The following TTC38 variants were observed in gnomAD, a reference collection of about 807,000 sequenced individuals.
TTC38 encodes tetratricopeptide repeat domain 38, also known as tetratricopeptide repeat protein 38.
TTC38 carries 64 observed loss-of-function variants against 64.2 expected under a neutral mutation model. That is an observed-to-expected ratio of 1.00 (90% CI 0.81 to 1.23). The LOEUF is 1.23. Among genes scored for constraint, TTC38 ranks in the 50% most tolerant of loss-of-function variants. The probability of loss-of-function intolerance (pLI) is 0.00; values close to 1 mark genes in which losing one functional copy is unlikely to be tolerated. For missense variants in TTC38, 573 were observed against 615.5 expected (o/e 0.93, Z 0.73); for synonymous variants, 254 against 249.3 (o/e 1.02, Z -0.18).
rs1487678968 is a variant in TTC38 at position 46,273,242 on chromosome 22, C to T, written c.194-656C>T. Among the ~76,000 whole-genome samples, 1 of 152,162 alleles carries T rather than the reference C, an allele frequency of 6.6e-6. No individual in the cohort carries two copies. The highest frequency in any genetic ancestry group is 2.4e-5 in the African/African-American group (1 of 41,452). Reference sequence around the variant, plus strand: ...CACCTGAATCATCAGCTGGGCTGGGCTGGGCTCGACCATCGGAATCACCAG... The same window carrying T: ...CACCTGAATCATCAGCTGGGCTGGGTTGGGCTCGACCATCGGAATCACCAG... On this transcript the variant is annotated intron_variant, in intron 3 of 13. Transcript: ENST00000381031. The surrounding 1 kb of genome is among the most constrained non-coding windows in gnomAD (Gnocchi z 5.1).
intron 6 of TTC38, among the ~76,000 whole-genome samples, chr22:46,279,564 G>C (rs765125415): frequency 1.3e-5 from 2 of 152,236 alleles, no homozygotes; most frequent in Non-Finnish European, 2.9e-5. Context: ...CCAACATCCT[G>C]GCTGGGGTTC....
At position 46,272,702 on chromosome 22, in the gene TTC38, T is replaced by C. The variant is rs894281039; in HGVS notation, c.193+286T>C. 6.6e-6 allele frequency among the ~76,000 whole-genome samples: 1 copy of C among 152,226 alleles called. No homozygotes were observed. Among genetic ancestry groups the C allele is most frequent in the African/African-American group, 2.4e-5 (1 of 41,458 alleles). On this transcript the variant is annotated intron_variant, in intron 3 of 13. Coordinates refer to ENST00000381031, the MANE Select transcript of TTC38 (RefSeq NM_017931.4). The surrounding 1 kb of genome is among the most constrained non-coding windows in gnomAD (Gnocchi z 6.4). ...GATCTCATTTCTCAGATGAGGAAAC[T>C]GAGGGTTGGCAAGAGTAAGACTGTA...
intron 2 of TTC38, chr22:46,269,010 G>T: frequency 2.8e-6 from 1 of 354,896 alleles, no homozygotes; most frequent in South Asian, 2.1e-5. Flanking sequence ...TTTAAATTGC[G>T]CCATGACCTT....
chr22:46,273,248 T>C lies in TTC38; in HGVS notation c.194-650T>C, dbSNP rs1601867180. Among the ~76,000 whole-genome samples, 2 of 152,276 alleles carry C rather than the reference T, an allele frequency of 1.3e-5. No homozygotes were observed. The highest frequency in any genetic ancestry group is 1.3e-4 in the Admixed American group (2 of 15,292). On this transcript the variant is annotated intron_variant, in intron 3 of 13. Transcript: ENST00000381031. The surrounding 1 kb of genome is among the most constrained non-coding windows in gnomAD (Gnocchi z 5.1). ...AATCATCAGCTGGGCTGGGCTGGGCTCGACCATCGGAATCACCAGCTGTTT... is the reference window on the plus strand; with the variant it reads ...AATCATCAGCTGGGCTGGGCTGGGCCCGACCATCGGAATCACCAGCTGTTT...
At chr22:46,278,487 T>C in intron 5 of TTC38, 99 bp from the exon 6 acceptor site, 1 of 994,558 alleles carries the variant, frequency 1.0e-6, no homozygotes. Context: ...ACATTCCCAG[T>C]GCTGGCAGTT....
chr22:46,287,061 C>T lies in TTC38; in HGVS notation c.835-12C>T, dbSNP rs781158177. On this transcript the variant is annotated splice_polypyrimidine_tract_variant and intron_variant, in intron 9 of 13. Coordinates refer to ENST00000381031, the MANE Select transcript of TTC38 (RefSeq NM_017931.4). The stretch of plus-strand genomic sequence containing the variant: ...CACCCGCTGAGCCCGCCTTGGCCGC[C>T]CTGTCTTCCAGATCCTTCCCAGCCT... 5 of 1,592,694 alleles carry T rather than the reference C, an allele frequency of 3.1e-6. No individual in the cohort carries two copies. The highest frequency in any genetic ancestry group is 4.3e-6 in the Non-Finnish European group (5 of 1,171,422).
chr22:46,280,880 C>A (rs1182207467), intron 6 of TTC38, among the ~76,000 whole-genome samples: 1 of 152,268 alleles, frequency 6.6e-6, no homozygotes, highest in East Asian at 1.9e-4. Context: ...CCTCAGTTTA[C>A]TGCTCCATTT....
chr22:46,269,049 T>C (rs1936831348), intron 2 of TTC38: 1 of 388,066 alleles, frequency 2.6e-6, no homozygotes, highest in East Asian at 8.2e-5. Flanking sequence ...ATCTGTGCAC[T>C]TTGTACTGGA....
Position 46,291,035 on chromosome 22 carries a change from C to T in TTC38, c.1316+1136C>T, listed in dbSNP as rs1034224380. ...AAGCCCAGTGGTTTAGGCGCAGGTG[C>T]ACCAGCGCAGCTCCCTCCAGGCAGG... On this transcript the variant is annotated intron_variant, in intron 13 of 13. Transcript: ENST00000381031. This position sits in a 1 kb window ranked among gnomAD's most constrained non-coding sequence, Gnocchi z 4.6. Among the ~76,000 whole-genome samples, 1 of 152,200 alleles carries T rather than the reference C, an allele frequency of 6.6e-6. No individual in the cohort carries two copies. The highest frequency in any genetic ancestry group is 1.5e-5 in the Non-Finnish European group (1 of 68,032).
At chr22:46,287,194 TC>T in intron 10 of TTC38, 40 bp downstream of exon 10, 1 of 1,538,058 alleles carries the variant, frequency 6.5e-7, no homozygotes, top group Non-Finnish European at 8.9e-7. Context: ...TGCCTCTTCC[TC>T]CCACATCATG....
chr22:46,289,765 C>T (rs560222527), intron 12 of TTC38, 61 bp from the exon 13 acceptor site: 20 of 1,566,566 alleles, frequency 1.3e-5, no homozygotes, highest in Middle Eastern at 1.7e-4. Context: ...CCGCGGTGGG[C>T]GGGGGCTCGC....
chr22:46,280,491 A>C (rs1740049452), intron 6 of TTC38, among the ~76,000 whole-genome samples: 1 of 152,232 alleles, frequency 6.6e-6, no homozygotes, highest in African/African-American at 2.4e-5. Flanking sequence ...CACTCCTGCC[A>C]TTCGTGAAAG....
Position 46,290,498 on chromosome 22 carries a change from T to C in TTC38, c.1316+599T>C, listed in dbSNP as rs2077606039. ...GGTGGCGTGGCTGGAGGGTGAGTGT[T>C]AGGGTGGCATGGCTGGAGGGTGAGT... On this transcript the variant is annotated intron_variant, in intron 13 of 13. Coordinates refer to ENST00000381031, the MANE Select transcript of TTC38 (RefSeq NM_017931.4). Among the ~76,000 whole-genome samples the C allele has an allele frequency of 1.5e-5, 2 of 135,676 alleles. 1 individual carries two copies. The highest frequency in any genetic ancestry group is 6.1e-5 in the African/African-American group (2 of 32,558). 89.0% of individuals were successfully genotyped at this position (135,676 alleles called of 152,430 possible). A position where few individuals can be genotyped will look rare whatever the true frequency, so the allele number is the denominator to read the frequency against.
intron 6 of TTC38, among the ~76,000 whole-genome samples, chr22:46,280,541 C>T (rs938369068): frequency 2.1e-4 from 32 of 152,252 alleles, no homozygotes; most frequent in African/African-American, 7.7e-4. Context: ...GCCCCACGCC[C>T]GCCCTGCTTA....
Position 46,272,227 on chromosome 22 carries a change from A to G in TTC38, c.112-108A>G, listed in dbSNP as rs1282539672. 7 of 792,394 alleles carry G rather than the reference A, an allele frequency of 8.8e-6. No homozygotes were observed. Among genetic ancestry groups the G allele is most frequent in the Non-Finnish European group, 1.3e-5 (6 of 469,180 alleles). 49.1% of individuals were successfully genotyped at this position (792,394 alleles called of 1,614,324 possible). A position where few individuals can be genotyped will look rare whatever the true frequency, so the allele number is the denominator to read the frequency against. On this transcript the variant is annotated intron_variant, in intron 2 of 13. Coordinates refer to ENST00000381031, the MANE Select transcript of TTC38 (RefSeq NM_017931.4). The surrounding 1 kb of genome is among the most constrained non-coding windows in gnomAD (Gnocchi z 6.4). ...GCTGGTCTCGAACTCCTGACCTCAG[A>G]TGTTCTGCCCGCCTCGGCCTCCCAA...
At chr22:46,277,487 C>G (rs901759137) in intron 5 of TTC38, among the ~76,000 whole-genome samples, 2 of 151,888 alleles carry the variant, frequency 1.3e-5, no homozygotes, top group African/African-American at 4.8e-5. Flanking sequence ...TGCCTGTAAT[C>G]CCAGCTACTC....
rs1437987073 is a variant in TTC38 at position 46,272,561 on chromosome 22, T to C, written c.193+145T>C. 1.3e-4 allele frequency: 82 copies of C among 635,296 alleles called. No homozygotes were observed. In the East Asian group the frequency reaches 2.3e-3, roughly 18 times the overall value. The allele number at this position is 635,296 out of a possible 1,614,324, so 39.4% of individuals were successfully genotyped here. A position where few individuals can be genotyped will look rare whatever the true frequency, so the allele number is the denominator to read the frequency against. On this transcript the variant is annotated intron_variant, in intron 3 of 13. Transcript: ENST00000381031. This position sits in a 1 kb window ranked among gnomAD's most constrained non-coding sequence, Gnocchi z 6.4. The stretch of plus-strand genomic sequence containing the variant: ...GGCATTTGCACAGAGGGAGAGAAGA[T>C]GACAGCTGCCTTTGTGTCTGGAAAA...
rs543260974 is a variant in TTC38, at chr22:46,291,912, C to T, written c.1317-879C>T. 1.3e-5 allele frequency among the ~76,000 whole-genome samples: 2 copies of T among 152,120 alleles called. No homozygotes were observed. The highest frequency in any genetic ancestry group is 2.4e-5 in the African/African-American group (1 of 41,404). Reference sequence around the variant, plus strand: ...TGGAGGTTGCAGTGAGCCGAGATCGCGTCATTGCACTCCAGCCTGAGTGAC... The same window carrying T: ...TGGAGGTTGCAGTGAGCCGAGATCGTGTCATTGCACTCCAGCCTGAGTGAC... On this transcript the variant is annotated intron_variant, in intron 13 of 13. Transcript: ENST00000381031. The surrounding 1 kb of genome is among the most constrained non-coding windows in gnomAD (Gnocchi z 4.6).
At chr22:46,288,335 C>T (rs1329620937) in intron 10 of TTC38, 88 bp from the exon 11 acceptor site, 7 of 1,430,232 alleles carry the variant, frequency 4.9e-6, no homozygotes, top group African/African-American at 4.2e-5. Flanking sequence ...ATCAAGGCCT[C>T]CAAGGGAAGC....
Sources: gnomAD v4.1 joint callset for allele counts (sites outside exome capture counted in the v4.1 genomes callset) on GRCh38, gnomAD v4.1.1 for gene constraint, Gnocchi (gnomAD v3.1) non-coding constraint, MANE v1.5 for transcripts, NCBI Gene and HGNC (gene_info 2026-07-23, HGNC 2026-07-21) for gene names.